BUB1B: variants seen among roughly 807,000 people sequenced by gnomAD.
BUB1B encodes mitotic checkpoint serine/threonine-protein kinase BUB1 beta.
BUB1B carries 86 observed loss-of-function variants against 137.7 expected under a neutral mutation model. The ratio of observed to expected loss-of-function variants is 0.62; its 90% CI spans 0.52 to 0.75. The LOEUF (loss-of-function observed/expected upper bound fraction) is 0.75. Among genes scored for constraint, BUB1B ranks in the 30% least tolerant of loss-of-function variants. The pLI is 0.00. For missense variants in BUB1B, 1,130 were observed against 1,236.9 expected (o/e 0.91, Z 1.30); for synonymous variants, 420 against 417.9 (o/e 1.00, Z -0.06).
At chr15:40,185,690 G>A in intron 8 of BUB1B, 48 bp downstream of exon 8, 1 of 1,544,290 alleles carries the variant, frequency 6.5e-7, no homozygotes, top group South Asian at 1.1e-5. Context: ...TTAAGGGTGG[G>A]CAGAGGCACC....
intron 19 of BUB1B, among the ~76,000 whole-genome samples, 173 bp downstream of exon 19, chr15:40,212,821 A>T (rs554473643): frequency 6.6e-6 from 1 of 152,116 alleles, no homozygotes; most frequent in African/African-American, 2.4e-5. Flanking sequence ...TCTCTTTGGT[A>T]TTTTTTTAAC....
At position 40,161,081 on chromosome 15, in the gene BUB1B, T is replaced by A; in HGVS notation, c.-140T>A. On this transcript the variant is annotated 5_prime_UTR_variant, in exon 1 of 23. Transcript: ENST00000287598. ...GGCGGCTAGGGGTGTGGGCTTGAGG[T>A]GGCCGGTTTGTTAGGGAGTCGTGTA... The A allele has an allele frequency of 1.7e-6, 2 of 1,144,930 alleles. No individual in the cohort carries two copies. Among genetic ancestry groups the A allele is most frequent in the Non-Finnish European group, 2.5e-6 (2 of 810,606 alleles). 70.9% of individuals were successfully genotyped at this position (1,144,930 alleles called of 1,614,324 possible). A position where few individuals can be genotyped will look rare whatever the true frequency, so the allele number is the denominator to read the frequency against.
At chr15:40,166,102 C>CTT (rs762596645) in intron 2 of BUB1B, among the ~76,000 whole-genome samples, 2 of 152,258 alleles carry the variant, frequency 1.3e-5, no homozygotes, top group Admixed American at 6.5e-5. Context: ...ATCCGCCCAC[C>CTT]TTGGCATCCC....
intron 8 of BUB1B, among the ~76,000 whole-genome samples, chr15:40,193,492 T>TCC (rs1370080819): frequency 6.9e-6 from 1 of 145,384 alleles, no homozygotes; most frequent in Non-Finnish European, 1.5e-5. Context: ...TTTTTTTTTT[T>TCC]CCCTTAGAGA....
intron 8 of BUB1B, among the ~76,000 whole-genome samples, chr15:40,193,908 A>G (rs1458332030): frequency 6.6e-6 from 1 of 151,556 alleles, no homozygotes; most frequent in Non-Finnish European, 1.5e-5. Flanking sequence ...AAAAAAAAAA[A>G]AACAGGGTCT....
chr15:40,179,800 A>G (rs2037262238), intron 5 of BUB1B, among the ~76,000 whole-genome samples: 1 of 151,992 alleles, frequency 6.6e-6, no homozygotes. Context: ...ATATACCTAA[A>G]CTTTCACATT....
chr15:40,176,458 G>A lies in BUB1B; in HGVS notation c.385-19G>A, dbSNP rs1180295725. The A allele has an allele frequency of 5.0e-6, 8 of 1,613,182 alleles. No homozygotes were observed. Among genetic ancestry groups the A allele is most frequent in the Non-Finnish European group, 6.8e-6 (8 of 1,179,358 alleles). On this transcript the variant is annotated intron_variant, in intron 4 of 22. Coordinates refer to ENST00000287598, the MANE Select transcript of BUB1B (RefSeq NM_001211.6). ...ATACGTGAGTAGAAATTGGTTAACTGTTAACACTTCTGTTACAGGGGCGTT... is the reference window on the plus strand; with the variant it reads ...ATACGTGAGTAGAAATTGGTTAACTATTAACACTTCTGTTACAGGGGCGTT...
intron 15 of BUB1B, among the ~76,000 whole-genome samples, chr15:40,206,936 A>C (rs1186553838): frequency 1.3e-5 from 2 of 152,062 alleles, no homozygotes; most frequent in Non-Finnish European, 2.9e-5. Context: ...CAGCCTCCCA[A>C]GTAGCTGGGA....
At chr15:40,165,455 A>G (rs2037085132) in intron 2 of BUB1B, among the ~76,000 whole-genome samples, 1 of 152,174 alleles carries the variant, frequency 6.6e-6, no homozygotes, top group Admixed American at 6.5e-5. Context: ...CATTTTATAC[A>G]GGGGGCAGTG....
chr15:40,216,607 G>A (rs757485272), intron 20 of BUB1B, among the ~76,000 whole-genome samples: 36 of 129,620 alleles, frequency 2.8e-4, no homozygotes, highest in Middle Eastern at 5.2e-3. Context: ...TAGTTTTATG[G>A]TGGCCAAAAA....
intron 5 of BUB1B, among the ~76,000 whole-genome samples, chr15:40,180,757 C>T (rs1234832364): frequency 6.9e-6 from 1 of 144,860 alleles, no homozygotes; most frequent in Non-Finnish European, 1.5e-5. Flanking sequence ...TTACGCCATT[C>T]TCCTGCCTCA....
chr15:40,213,655 C>T (rs2037741366), intron 20 of BUB1B, among the ~76,000 whole-genome samples, 181 bp downstream of exon 20: 1 of 148,252 alleles, frequency 6.7e-6, no homozygotes, highest in African/African-American at 2.7e-5. Context: ...CCCATCTTAA[C>T]CTTGCTAGTA....
Position 40,209,731 on chromosome 15 carries a change from A to G in BUB1B, c.2240A>G (p.Asp747Gly). 1 of 1,614,192 alleles carries G rather than the reference A, an allele frequency of 6.2e-7. No individual in the cohort carries two copies. Among genetic ancestry groups the G allele is most frequent in the Non-Finnish European group, 8.5e-7 (1 of 1,180,036 alleles). The stretch of plus-strand genomic sequence containing the variant: ...GCCTCTGCAGAGTTGTGTATAGAAG[A>G]CAGACCAATGCCTAAGTTGGAAATT... ...LSASAELCIE[D>G]RPMPKLEIEK... The change falls in exon 17 of 23, where the codon GAC becomes GGC. Residue 747 changes from aspartate to glycine, a missense_variant. Asp to Gly is a moderately conservative substitution (Grantham distance 94). Transcript: ENST00000287598.
chr15:40,169,609 C>CTTTTTT (rs893767898), intron 2 of BUB1B, among the ~76,000 whole-genome samples: 212 of 96,908 alleles, frequency 2.2e-3, no homozygotes, highest in Non-Finnish European at 3.2e-3. Flanking sequence ...TATTTCTATT[C>CTTTTTT]TTTTTTTTTT....
chr15:40,170,337 A>G (rs2037147547), intron 3 of BUB1B, among the ~76,000 whole-genome samples, 200 bp from the exon 4 acceptor site: 1 of 152,198 alleles, frequency 6.6e-6, no homozygotes, highest in Non-Finnish European at 1.5e-5. Flanking sequence ...ACACCCTTCT[A>G]TCCCTATCCT....
chr15:40,186,908 T>C (rs1566821071), intron 8 of BUB1B: 1 of 152,024 alleles, frequency 6.6e-6, no homozygotes, highest in East Asian at 1.9e-4. Flanking sequence ...TTTTTCTTTT[T>C]TTTTTTTTCT....
chr15:40,190,991 G>A (rs542494461), intron 8 of BUB1B, among the ~76,000 whole-genome samples: 35 of 151,504 alleles, frequency 2.3e-4, no homozygotes, highest in African/African-American at 8.0e-4. Flanking sequence ...GGGTTCAACC[G>A]ATTCTTGTAC....
intron 6 of BUB1B, 79 bp downstream of exon 6, chr15:40,183,962 A>G (rs1036821812): frequency 7.0e-7 from 1 of 1,438,080 alleles, no homozygotes; most frequent in African/African-American, 1.4e-5. Flanking sequence ...ACATAAATAT[A>G]CCTGTGGACA....
At chr15:40,215,020 G>T (rs945776449) in intron 20 of BUB1B, among the ~76,000 whole-genome samples, 2 of 152,180 alleles carry the variant, frequency 1.3e-5, no homozygotes, top group African/African-American at 2.4e-5. Flanking sequence ...AAGCCTTTTA[G>T]AATTGGCCAT....
Sources: allele counts gnomAD v4.1 joint callset (sites outside exome capture counted in the v4.1 genomes callset), GRCh38; gene constraint gnomAD v4.1.1; transcripts MANE v1.5; gene names NCBI Gene and HGNC (gene_info 2026-07-23, HGNC 2026-07-21).